PCNX2: variants seen among roughly 807,000 people sequenced by gnomAD.
The protein encoded by PCNX2 is pecanex 2.
A neutral mutation model predicts 223.8 loss-of-function variants in PCNX2; 168 were observed. The ratio of observed to expected loss-of-function variants is 0.75; its 90% confidence interval spans 0.66 to 0.85. The LOEUF is 0.85. Among genes scored for constraint, PCNX2 ranks in the 40% least tolerant of loss-of-function variants. The pLI is 0.00. For synonymous variants in PCNX2, 1,006 were observed against 1,052.6 expected (o/e 0.96, Z 0.86); for missense variants, 2,507 against 2,675.5 (o/e 0.94, Z 1.39).
chr1:233,075,586 A>G (rs530615318), intron 23 of PCNX2, among the ~76,000 whole-genome samples: 1 of 152,212 alleles, frequency 6.6e-6, no homozygotes, highest in Non-Finnish European at 1.5e-5. Context: ...ATCAATATCT[A>G]GGTTGTGATA....
At chr1:233,231,458 T>G (rs530588674) in intron 9 of PCNX2, among the ~76,000 whole-genome samples, 2 of 152,248 alleles carry the variant, frequency 1.3e-5, no homozygotes, top group African/African-American at 4.8e-5. Context: ...AAACAGATAA[T>G]AGGCCCTGTT....
At chr1:233,270,798 A>T (rs1158990003) in intron 1 of PCNX2, among the ~76,000 whole-genome samples, 1 of 152,158 alleles carries the variant, frequency 6.6e-6, no homozygotes, top group East Asian at 1.9e-4. Flanking sequence ...GAGAGGTGAC[A>T]AGTGAGTGTC....
chr1:233,006,771 T>C (rs1007864053), intron 28 of PCNX2, among the ~76,000 whole-genome samples: 1 of 152,182 alleles, frequency 6.6e-6, no homozygotes, highest in Non-Finnish European at 1.5e-5. Context: ...GTGAAGCGCC[T>C]TCTGCTGCCA....
intron 8 of PCNX2, among the ~76,000 whole-genome samples, chr1:233,242,911 C>T (rs960583394): frequency 6.6e-6 from 1 of 152,310 alleles, no homozygotes; most frequent in African/African-American, 2.4e-5. Context: ...TATCCTCTGG[C>T]AGTTTTTCCT....
chr1:232,987,217 G>A (rs1669525176), intron 32 of PCNX2, among the ~76,000 whole-genome samples: 1 of 152,192 alleles, frequency 6.6e-6, no homozygotes, highest in South Asian at 2.1e-4. Context: ...AGCCTTTGCT[G>A]AAACTTGTCT....
Position 233,113,206 on chromosome 1 carries a change from G to A in PCNX2, c.3838-17343C>T, listed in dbSNP as rs187616561. Among the ~76,000 whole-genome samples the A allele has an allele frequency of 3.2e-4, 48 of 152,316 alleles. No individual in the cohort carries two copies. The East Asian group carries it at 8.9e-3, about 28-fold the overall frequency. Reference sequence around the variant, plus strand: ...TTCCTGGTTTTGCAAGAGGGATTCTGATGACTAGACAGCACAGAGCAACAA... The same window carrying A: ...TTCCTGGTTTTGCAAGAGGGATTCTAATGACTAGACAGCACAGAGCAACAA... On this transcript the variant is annotated intron_variant, in intron 21 of 33. Transcript: ENST00000258229.
rs114332035 is a variant in PCNX2 at position 233,269,138 on chromosome 1, C to T, written c.154-5975G>A. Among the ~76,000 whole-genome samples, 739 of 152,344 alleles carry T rather than the reference C, an allele frequency of 4.9e-3. 7 individuals are homozygous for T. Among genetic ancestry groups the T allele is most frequent in the African/African-American group, 0.017 (719 of 41,584 alleles). On this transcript the variant is annotated intron_variant, in intron 1 of 33. Coordinates refer to ENST00000258229, the MANE Select transcript of PCNX2 (RefSeq NM_014801.4). ...TCTTCTGAATTCCTTATGTTTGACT[C>T]TTTTGTCTCCCTTAAGTGCCTCAGA...
intron 21 of PCNX2, among the ~76,000 whole-genome samples, chr1:233,106,435 C>T (rs1674782854): frequency 6.6e-6 from 1 of 151,038 alleles, no homozygotes; most frequent in South Asian, 2.1e-4. Flanking sequence ...TCGCTGCAAC[C>T]TCTGCCTCCC....
At chr1:233,127,205 A>T (rs1035131004) in intron 21 of PCNX2, among the ~76,000 whole-genome samples, 1 of 152,026 alleles carries the variant, frequency 6.6e-6, no homozygotes, top group African/African-American at 2.4e-5. Context: ...TGAAGTCCAA[A>T]CTCTGTAGCA....
At chr1:233,296,285 C>G (rs184788495), upstream of PCNX2, among the ~76,000 whole-genome samples, 219 of 152,326 alleles carry the variant, frequency 1.4e-3, 1 homozygote, top group African/African-American at 5.0e-3. Flanking sequence ...TGCCACTGAT[C>G]TTCTGTCCTC....
chr1:233,043,359 C>T (rs1671710020), intron 25 of PCNX2, among the ~76,000 whole-genome samples: 1 of 152,044 alleles, frequency 6.6e-6, no homozygotes, highest in African/African-American at 2.4e-5. Context: ...CTTGATGGCC[C>T]CCATTGGCCT....
the PCNX2 span, among the ~76,000 whole-genome samples, chr1:233,322,836 G>A: frequency 6.6e-6 from 1 of 151,954 alleles, no homozygotes; most frequent in South Asian, 2.1e-4. Context: ...TACCTGACAT[G>A]CTGCTTAGGA....
chr1:233,146,148 C>T (rs1396908714), intron 19 of PCNX2, among the ~76,000 whole-genome samples: 1 of 152,194 alleles, frequency 6.6e-6, no homozygotes, highest in East Asian at 1.9e-4. Context: ...CACGCCATCA[C>T]TGTACCCTGT....
At chr1:233,082,276 G>A (rs989998401) in intron 23 of PCNX2, among the ~76,000 whole-genome samples, 21 of 152,076 alleles carry the variant, frequency 1.4e-4, no homozygotes, top group Admixed American at 8.5e-4. Flanking sequence ...GATGAGGATC[G>A]CCATTGTTAC....
At chr1:233,045,048 T>A (rs909489874) in intron 25 of PCNX2, among the ~76,000 whole-genome samples, 1 of 152,210 alleles carries the variant, frequency 6.6e-6, no homozygotes, top group Non-Finnish European at 1.5e-5. Context: ...GCCATGGACC[T>A]TGATCATTCT....
intron 1 of PCNX2, among the ~76,000 whole-genome samples, chr1:233,267,883 A>G (rs1660426381): frequency 6.6e-6 from 1 of 152,108 alleles, no homozygotes; most frequent in South Asian, 2.1e-4. Context: ...TATACCCCAA[A>G]AGAGGAATAT....
intron 19 of PCNX2, among the ~76,000 whole-genome samples, chr1:233,144,871 A>G (rs1677331994): frequency 6.6e-6 from 1 of 151,990 alleles, no homozygotes; most frequent in Non-Finnish European, 1.5e-5. Context: ...TATAAAAAAG[A>G]AATACATAAT....
chr1:233,000,541 G>A lies in PCNX2; in HGVS notation c.5098-6C>T. The A allele has an allele frequency of 6.4e-7, 1 of 1,574,332 alleles. No individual in the cohort carries two copies. Among genetic ancestry groups the A allele is most frequent in the Non-Finnish European group, 8.6e-7 (1 of 1,165,040 alleles). On this transcript the variant is annotated splice_polypyrimidine_tract_variant and splice_region_variant and intron_variant, in intron 29 of 33. Transcript: ENST00000258229. This position sits in a 1 kb window ranked among gnomAD's most constrained non-coding sequence, Gnocchi z 4.6. ...TCAGGGCAAGTGAACTGGTCCTGGT[G>A]GGAAGAAGTGTGGGTGTGGGCTGGG...
intron 25 of PCNX2, among the ~76,000 whole-genome samples, chr1:233,048,785 G>A (rs1486588464): frequency 6.6e-6 from 1 of 152,054 alleles, no homozygotes; most frequent in Non-Finnish European, 1.5e-5. Flanking sequence ...AAAGAGAGAT[G>A]ATCCAAATAA....
Sources: allele counts gnomAD v4.1 joint callset (sites outside exome capture counted in the v4.1 genomes callset), GRCh38; gene constraint gnomAD v4.1.1; non-coding constraint Gnocchi (gnomAD v3.1); transcripts MANE v1.5; gene names NCBI Gene and HGNC (gene_info 2026-07-23, HGNC 2026-07-21).